Variants in TSEN2 observed in about 807,000 individuals in gnomAD.
The protein encoded by TSEN2 is tRNA splicing endonuclease subunit 2.
Under a neutral mutation model 59.2 loss-of-function variants are expected in TSEN2, and 54 were observed. The ratio of observed to expected loss-of-function variants is 0.91; its 90% CI spans 0.73 to 1.14. The LOEUF (loss-of-function observed/expected upper bound fraction) is 1.14, where lower values mean the gene tolerates loss of function less well. Ranked by LOEUF, TSEN2 falls within the 50% of genes most tolerant of loss-of-function variation. The pLI is 0.00. For synonymous variants in TSEN2, 195 were observed against 198.2 expected (o/e 0.98, Z 0.14); for missense variants, 636 against 576.2 (o/e 1.10, Z -1.06).
chr3:12,528,741 T>C, intron 8 of TSEN2, 147 bp from the exon 9 acceptor site: 1 of 783,334 alleles, frequency 1.3e-6, no homozygotes, highest in South Asian at 1.6e-5. Context: ...CACAGGCATA[T>C]TGCAGATGAT....
chr3:12,495,837 G>A (rs2053693233), intron 3 of TSEN2, among the ~76,000 whole-genome samples: 1 of 152,212 alleles, frequency 6.6e-6, no homozygotes, highest in East Asian at 1.9e-4. Context: ...AGACCACTGG[G>A]TGACCTGATA....
upstream of TSEN2, among the ~76,000 whole-genome samples, chr3:12,483,768 A>G (rs948656389): frequency 1.3e-5 from 2 of 152,218 alleles, no homozygotes; most frequent in Non-Finnish European, 2.9e-5. Flanking sequence ...TGGACTCCCC[A>G]CAGGGCTCCT....
chr3:12,490,094 G>C (rs1474414606), intron 2 of TSEN2, 105 bp downstream of exon 2: 1 of 1,098,092 alleles, frequency 9.1e-7, no homozygotes, highest in Non-Finnish European at 1.4e-6. Context: ...CATGAACAAT[G>C]TGTATTCTTT....
chr3:12,487,278 G>A (rs550416108), intron 1 of TSEN2, among the ~76,000 whole-genome samples: 13 of 152,296 alleles, frequency 8.5e-5, no homozygotes, highest in African/African-American at 2.9e-4. Flanking sequence ...CAAGAACTTG[G>A]ATTATGAGGG....
intron 8 of TSEN2, among the ~76,000 whole-genome samples, chr3:12,522,380 T>G (rs1294024798): frequency 2.6e-5 from 4 of 152,140 alleles, no homozygotes; most frequent in African/African-American, 7.2e-5. Context: ...ATTAATACAT[T>G]AATTGTACAA....
intron 4 of TSEN2, among the ~76,000 whole-genome samples, chr3:12,501,725 G>C (rs1275504009): frequency 2.6e-5 from 4 of 152,130 alleles, no homozygotes; most frequent in Non-Finnish European, 4.4e-5. Flanking sequence ...TCTTAACCAG[G>C]TAAAAGAAGG....
At chr3:12,520,754 C>T (rs993320426) in intron 8 of TSEN2, among the ~76,000 whole-genome samples, 1 of 124,204 alleles carries the variant, frequency 8.1e-6, no homozygotes, top group East Asian at 2.0e-4. Context: ...CACGCCACTA[C>T]ACTCCAGCCT....
intron 10 of TSEN2, chr3:12,530,571 C>G: frequency 6.1e-6 from 6 of 985,510 alleles, no homozygotes; most frequent in Non-Finnish European, 7.2e-6. Flanking sequence ...TGTAGATACC[C>G]TCTAATTTCA....
At chr3:12,484,256 TGCAG>T (rs1338524251), upstream of TSEN2, among the ~76,000 whole-genome samples, 2 of 152,274 alleles carry the variant, frequency 1.3e-5, no homozygotes, top group Non-Finnish European at 2.9e-5. Context: ...AAATGCGTCT[TGCAG>T]GATCGTTCTG....
At chr3:12,480,528 G>GTTTT (rs752340308), upstream of TSEN2, among the ~76,000 whole-genome samples, 292 of 91,752 alleles carry the variant, frequency 3.2e-3, 7 homozygotes, top group African/African-American at 4.4e-3. Flanking sequence ...TTGTTTCTTT[G>GTTTT]TTTTTTTTTT....
At position 12,489,804 on chromosome 3, in the gene TSEN2, G is replaced by A; in HGVS notation, c.4G>A (p.Ala2Thr). 3 of 1,613,064 alleles carry A rather than the reference G, an allele frequency of 1.9e-6. No homozygotes were observed. Among genetic ancestry groups the A allele is most frequent in the Middle Eastern group, 1.7e-4 (1 of 5,964 alleles). ...TAAAGAATACCTCCTCTGAAAAATGGCAGAAGCAGTTTTCCATGCCCCAAA... is the reference window on the plus strand; with the variant it reads ...TAAAGAATACCTCCTCTGAAAAATGACAGAAGCAGTTTTCCATGCCCCAAA... MAEAVFHAPKRK... is the reference protein window; with the variant it reads MTEAVFHAPKRK... The change falls in exon 2 of 12, where the codon GCA becomes ACA. Residue 2 changes from alanine (A) to threonine (T), a missense_variant. By Grantham distance (58) the Ala-to-Thr change is moderately conservative. Coordinates refer to ENST00000284995, the MANE Select transcript of TSEN2 (RefSeq NM_025265.4).
At chr3:12,483,052 C>G (rs1439862346), upstream of TSEN2, among the ~76,000 whole-genome samples, 1 of 152,240 alleles carries the variant, frequency 6.6e-6, no homozygotes, top group Non-Finnish European at 1.5e-5. Context: ...CATGATCTCA[C>G]TCTACCAAGA....
chr3:12,492,003 TGCCGATTTTGG>T, intron 2 of TSEN2, 122 bp from the exon 3 acceptor site: 2 of 720,490 alleles, frequency 2.8e-6, no homozygotes, highest in Non-Finnish European at 5.0e-6. Context: ...CTCGACCATC[TGCCGATTTTGG>T]TATCCACCAG....
At chr3:12,482,119 G>A (rs1390515522), upstream of TSEN2, among the ~76,000 whole-genome samples, 2 of 152,226 alleles carry the variant, frequency 1.3e-5, no homozygotes, top group African/African-American at 4.8e-5. Flanking sequence ...GAAGGTTGTA[G>A]AAGCGATTTT....
chr3:12,501,839 A>G (rs1432357094), intron 4 of TSEN2, among the ~76,000 whole-genome samples: 1 of 152,210 alleles, frequency 6.6e-6, no homozygotes, highest in African/African-American at 2.4e-5. Context: ...GAGTTTCACA[A>G]TGTCTTTGAC....
At chr3:12,527,443 C>CTTTTTTTTTTT (rs895117307) in intron 8 of TSEN2, among the ~76,000 whole-genome samples, 1 of 137,694 alleles carries the variant, frequency 7.3e-6, no homozygotes. Context: ...TTGAACTTTT[C>CTTTTTTTTTTT]TTTTTTTTTT....
intron 6 of TSEN2, 70 bp from the exon 7 acceptor site, chr3:12,516,541 G>A: frequency 1.4e-6 from 2 of 1,470,824 alleles, no homozygotes; most frequent in East Asian, 4.6e-5. Context: ...AAAGAGATCA[G>A]TCTGTAAAAT....
In TSEN2 at chr3:12,494,589, C is replaced by CAA. The variant is rs950356003; in HGVS notation, c.272-1928_272-1927insAA. 5.3e-5 allele frequency among the ~76,000 whole-genome samples: 8 copies of CAA among 151,834 alleles called. No individual in the cohort carries two copies. In the East Asian group the frequency reaches 1.6e-3, roughly 30 times the overall value. On this transcript the variant is annotated intron_variant, in intron 3 of 11. Coordinates refer to ENST00000284995, the MANE Select transcript of TSEN2 (RefSeq NM_025265.4). ...CTAATTTTTGTATTTTTAGTAGAGA[C>CAA]AGAGTTTCGCCATGTTGAGCAGGCT...
intron 8 of TSEN2, among the ~76,000 whole-genome samples, chr3:12,525,780 G>T (rs529311419): frequency 8.6e-5 from 13 of 151,416 alleles, no homozygotes; most frequent in East Asian, 5.9e-4. Context: ...GGCCAGGCTG[G>T]TCTCAAACTC....
Sources: allele counts gnomAD v4.1 joint callset (sites outside exome capture counted in the v4.1 genomes callset), GRCh38; gene constraint gnomAD v4.1.1; transcripts MANE v1.5; gene names NCBI Gene and HGNC (gene_info 2026-07-23, HGNC 2026-07-21).